The following ZNF638 variants were observed in gnomAD, a reference collection of about 807,000 sequenced individuals.
ZNF638 encodes zinc finger protein 638, also known as CTCL tumor antigen se33-1.
In ZNF638, 46 loss-of-function variants were observed where a neutral mutation model predicts 195.6. That is an observed-to-expected ratio of 0.24 (90% confidence interval 0.19 to 0.30). The LOEUF (loss-of-function observed/expected upper bound fraction) is 0.30. Among genes scored for constraint, ZNF638 ranks in the 10% least tolerant of loss-of-function variants. The pLI, the probability that ZNF638 is intolerant of heterozygous loss-of-function variation, is 1.00. For missense variants in ZNF638, 2,440 were observed against 2,325.3 expected, an observed-to-expected ratio of 1.05 and a Z score of -1.01; for synonymous variants, 845 against 772.0, an observed-to-expected ratio of 1.09 and a Z score of -1.57.
chr2:71,423,023 A>T lies in ZNF638; in HGVS notation c.3509A>T (p.Gln1170Leu). The T allele has an allele frequency of 6.2e-7, 1 of 1,614,126 alleles. No individual in the cohort carries two copies. The highest frequency in any genetic ancestry group is 8.5e-7 in the Non-Finnish European group (1 of 1,179,982). Residue 1170 changes from glutamine (Q) to leucine (L), a missense_variant, in exon 22 of 28, where the codon CAA becomes CTA. Transcript: ENST00000264447. The stretch of plus-strand genomic sequence containing the variant: ...GTTGAAACTTTGGAGCTTGAAACTC[A>T]AGGAGAGGAGGTCAAAGAAGAAATT... ...FAVETLELET[Q>L]GEEVKEEIPL...
At chr2:71,382,421 A>G (rs1290131373) in intron 10 of ZNF638, among the ~76,000 whole-genome samples, 2 of 152,310 alleles carry the variant, frequency 1.3e-5, no homozygotes, top group South Asian at 4.1e-4. Flanking sequence ...TGAGAAAGGA[A>G]GGGTACTTGA....
chr2:71,360,904 A>G (rs958999855), intron 3 of ZNF638, among the ~76,000 whole-genome samples: 1 of 152,190 alleles, frequency 6.6e-6, no homozygotes, highest in African/African-American at 2.4e-5. Flanking sequence ...CTGCTTGCAG[A>G]ATGTATACAT....
intron 10 of ZNF638, among the ~76,000 whole-genome samples, chr2:71,387,398 C>T (rs746917691): frequency 1.3e-5 from 2 of 151,914 alleles, no homozygotes; most frequent in Admixed American, 6.6e-5. Context: ...TTGCTTGGTG[C>T]GGTGGCTGAC....
Position 71,423,908 on chromosome 2 carries a change from G to T in ZNF638, c.4394G>T (p.Arg1465Ile). 1.2e-6 allele frequency: 2 copies of T among 1,614,078 alleles called. No homozygotes were observed. Among genetic ancestry groups the T allele is most frequent in the South Asian group, 2.2e-5 (2 of 91,082 alleles). ...KFKPTQSSLTRGGSGRISALQ... is the reference protein window; with the variant it reads ...KFKPTQSSLTIGGSGRISALQ... Reference sequence around the variant, plus strand: ...AAACCTACTCAGAGCAGTCTTACCAGAGGAGGCAGTGGAAGGATCTCAGCC... The same window carrying T: ...AAACCTACTCAGAGCAGTCTTACCATAGGAGGCAGTGGAAGGATCTCAGCC... Residue 1465 changes from arginine (R) to isoleucine (I), a missense_variant, in exon 22 of 28, where the codon AGA (arginine) becomes ATA (isoleucine). By Grantham distance (97) the Arg-to-Ile change is moderately conservative (BLOSUM62 -3). Coordinates refer to ENST00000264447, the MANE Select transcript of ZNF638 (RefSeq NM_014497.5).
chr2:71,426,649 G>A lies in ZNF638; in HGVS notation c.4780G>A (p.Gly1594Arg), dbSNP rs1384698113. The A allele has an allele frequency of 3.2e-5, 51 of 1,614,066 alleles. No individual in the cohort carries two copies. Among genetic ancestry groups the A allele is most frequent in the Non-Finnish European group, 4.1e-5 (48 of 1,180,036 alleles). ...GKTSTPRGVE[G>R]ELSFVTLDEI... ...AACTTCCACTCCTCGTGGTGTTGAG[G>A]GAGAACTATCTTTTGTGACATTGGA... The change falls in exon 24 of 28, where the codon GGA becomes AGA. Residue 1594 changes from glycine to arginine, a missense_variant. Physicochemically the swap from Gly to Arg is moderately radical, Grantham distance 125. Around this residue, in one of 5 missense-constraint regions of ZNF638, gnomAD observed 1,883 missense variants for 1,739.1 expected, o/e 1.08. Coordinates refer to ENST00000264447, the MANE Select transcript of ZNF638 (RefSeq NM_014497.5).
At chr2:71,342,938 A>G (rs921457212) in intron 1 of ZNF638, among the ~76,000 whole-genome samples, 1 of 152,100 alleles carries the variant, frequency 6.6e-6, no homozygotes, top group Admixed American at 6.5e-5. Flanking sequence ...GTTATAATTT[A>G]CTTTTTATCA....
intron 15 of ZNF638, 117 bp from the exon 16 acceptor site, chr2:71,401,839 G>A: frequency 1.1e-6 from 1 of 907,770 alleles, no homozygotes; most frequent in Non-Finnish European, 1.5e-6. Context: ...GAGTTTATCA[G>A]ACTTTCCTCA....
At chr2:71,370,535 T>C (rs2104302328) in intron 8 of ZNF638, among the ~76,000 whole-genome samples, 1 of 152,324 alleles carries the variant, frequency 6.6e-6, no homozygotes, top group South Asian at 2.1e-4. Flanking sequence ...ATAATATCTA[T>C]AGAATTACTT....
rs142696874 is a variant in ZNF638, at chr2:71,339,857, T to C, written c.-203+7982T>C. On this transcript the variant is annotated intron_variant, in intron 1 of 27. Transcript: ENST00000264447. ...ACCTGTTACACTTACTAGGAGTGTT[T>C]AGAGCAAGGCCACCAGTGCACATCT... Among the ~76,000 whole-genome samples, 215 of 152,332 alleles carry C rather than the reference T, an allele frequency of 1.4e-3. 2 individuals carry two copies. The highest frequency in any genetic ancestry group is 4.6e-3 in the African/African-American group (193 of 41,570).
chr2:71,427,958 G>T (rs1030924118), intron 24 of ZNF638, among the ~76,000 whole-genome samples: 35 of 152,254 alleles, frequency 2.3e-4, no homozygotes, highest in Admixed American at 1.2e-3. Flanking sequence ...TTGGGAAGCC[G>T]AGGTGGGAGG....
intron 25 of ZNF638, among the ~76,000 whole-genome samples, chr2:71,429,257 C>T (rs956210215): frequency 6.6e-6 from 1 of 152,082 alleles, no homozygotes; most frequent in Non-Finnish European, 1.5e-5. Context: ...TTTGTAGCAC[C>T]CTCATTGCCC....
Position 71,427,039 on chromosome 2 carries a change from T to A in ZNF638, c.5170T>A (p.Ser1724Thr). ...AAGGGATTCCATTGGCTTCATTTCT[T>A]CTCAGGTGCCCGAAGACCCTTCTAC... Reference protein sequence around the residue: ...TVRDSIGFISSQVPEDPSTLV... With the variant: ...TVRDSIGFISTQVPEDPSTLV... Residue 1724 changes from serine to threonine, a missense_variant, in exon 24 of 28, where the codon TCT becomes ACT. Around this residue, in one of 5 missense-constraint regions of ZNF638, gnomAD observed 1,883 missense variants for 1,739.1 expected, o/e 1.08. Transcript: ENST00000264447. The A allele has an allele frequency of 6.2e-7, 1 of 1,613,650 alleles. No homozygotes were observed. Among genetic ancestry groups the A allele is most frequent in the Admixed American group, 1.7e-5 (1 of 59,908 alleles).
intron 25 of ZNF638, among the ~76,000 whole-genome samples, chr2:71,429,436 C>T (rs2080610104): frequency 6.6e-6 from 1 of 152,164 alleles, no homozygotes; most frequent in African/African-American, 2.4e-5. Context: ...CATCACCTAA[C>T]CCGTTTCTCA....
chr2:71,365,742 G>A lies in ZNF638; in HGVS notation c.1995+36G>A, dbSNP rs771618644. 8.5e-6 allele frequency: 13 copies of A among 1,532,396 alleles called. No homozygotes were observed. In the African/African-American group the frequency reaches 1.3e-4, roughly 15 times the overall value. The allele number at this position is 1,532,396 out of a possible 1,614,324, so 94.9% of individuals were successfully genotyped here. ...AATTAATAATTATTTTTAGAGATAAGGTTTCACTCTGTCATCCTCGCTGGA... is the reference window on the plus strand; with the variant it reads ...AATTAATAATTATTTTTAGAGATAAAGTTTCACTCTGTCATCCTCGCTGGA... On this transcript the variant is annotated intron_variant, in intron 6 of 27. Coordinates refer to ENST00000264447, the MANE Select transcript of ZNF638 (RefSeq NM_014497.5).
At chr2:71,402,795 AT>A (rs1365335858) in intron 16 of ZNF638, among the ~76,000 whole-genome samples, 2 of 152,192 alleles carry the variant, frequency 1.3e-5, no homozygotes, top group Admixed American at 6.5e-5. Context: ...AAATGACACC[AT>A]TAGAATAGTG....
intron 23 of ZNF638, 110 bp from the exon 24 acceptor site, chr2:71,426,350 T>G: frequency 1.3e-6 from 1 of 798,544 alleles, no homozygotes; most frequent in South Asian, 2.1e-5. Context: ...AAAACTAATT[T>G]GCACTGAAAT....
chr2:71,403,999 G>C lies in ZNF638; in HGVS notation c.2958+1G>C. ...TGAAAACATGAATATAAAAGATGAGGTAAATCAGACCACCATTTTTACTAG... is the reference window on the plus strand; with the variant it reads ...TGAAAACATGAATATAAAAGATGAGCTAAATCAGACCACCATTTTTACTAG... On this transcript the variant is annotated splice_donor_variant, in intron 17 of 27. Coordinates refer to ENST00000264447, the MANE Select transcript of ZNF638 (RefSeq NM_014497.5). LOFTEE classifies it high-confidence loss of function. The C allele has an allele frequency of 6.2e-7, 1 of 1,602,512 alleles. No homozygotes were observed. Among genetic ancestry groups the C allele is most frequent in the Non-Finnish European group, 8.5e-7 (1 of 1,175,932 alleles).
chr2:71,399,523 G>T, intron 12 of ZNF638, 36 bp from the exon 13 acceptor site: 1 of 1,444,312 alleles, frequency 6.9e-7, no homozygotes, highest in South Asian at 1.2e-5. Context: ...GATTTAACAA[G>T]ACCTTTAGAA....
At chr2:71,424,529 G>A in intron 22 of ZNF638, 121 bp from the exon 23 acceptor site, 2 of 725,358 alleles carry the variant, frequency 2.8e-6, no homozygotes, top group Non-Finnish European at 4.6e-6. Flanking sequence ...TAAATAATTT[G>A]CATAATTGAC....
Sources: allele counts gnomAD v4.1 joint callset (sites outside exome capture counted in the v4.1 genomes callset), GRCh38; gene constraint gnomAD v4.1.1; regional missense constraint gnomAD v4.1.1; transcripts MANE v1.5; gene names NCBI Gene and HGNC (gene_info 2026-07-23, HGNC 2026-07-21).